VKORC1L1: variants seen among roughly 807,000 people sequenced by gnomAD.
The protein encoded by VKORC1L1 is vitamin K epoxide reductase complex subunit 1L1, also known as vitamin K epoxide reductase complex subunit 1-like protein 1.
Under a neutral mutation model 18.9 loss-of-function variants are expected in VKORC1L1, and 2 were observed. That is an observed-to-expected ratio of 0.11 (90% CI 0.04 to 0.33). The LOEUF (loss-of-function observed/expected upper bound fraction) is 0.33, where lower values mean the gene tolerates loss of function less well. Ranked by LOEUF, VKORC1L1 falls within the 10% of genes least tolerant of loss-of-function variation. The probability of loss-of-function intolerance (pLI) is 1.00; values close to 1 mark genes in which losing one functional copy is unlikely to be tolerated. For missense variants in VKORC1L1, 123 were observed against 224.1 expected, an observed-to-expected ratio of 0.55 and a Z score of 2.88; for synonymous variants, 96 against 100.0, an observed-to-expected ratio of 0.96 and a Z score of 0.24.
At chr7:65,879,309 C>A (rs943792761) in intron 1 of VKORC1L1, among the ~76,000 whole-genome samples, 1 of 151,982 alleles carries the variant, frequency 6.6e-6, no homozygotes, top group Non-Finnish European at 1.5e-5. Flanking sequence ...TTAACATTAT[C>A]ATTGTTTCTT....
chr7:65,935,765 AT>A (rs1270693443), intron 1 of VKORC1L1, among the ~76,000 whole-genome samples: 1 of 152,148 alleles, frequency 6.6e-6, no homozygotes, highest in Non-Finnish European at 1.5e-5. Flanking sequence ...TTCGAGTTTA[AT>A]CAACTCTCAT....
chr7:65,878,308 A>G (rs950741662), intron 1 of VKORC1L1, among the ~76,000 whole-genome samples: 6 of 152,070 alleles, frequency 3.9e-5, no homozygotes, highest in Non-Finnish European at 5.9e-5. Context: ...TTAGCCGGGC[A>G]TGGTGGTGGG....
chr7:65,916,755 T>G (rs1789596091), intron 1 of VKORC1L1, among the ~76,000 whole-genome samples: 1 of 152,074 alleles, frequency 6.6e-6, no homozygotes, highest in Non-Finnish European at 1.5e-5. Context: ...TGCGCCACCA[T>G]GCCTGGCTAA....
intron 1 of VKORC1L1, among the ~76,000 whole-genome samples, chr7:65,943,086 TAC>T (rs1790063222): frequency 6.6e-6 from 1 of 152,132 alleles, no homozygotes; most frequent in Admixed American, 6.5e-5. Flanking sequence ...TAGTTTAGCA[TAC>T]AGTGCTAGAT....
chr7:65,913,363 C>T (rs1486597429), intron 1 of VKORC1L1, among the ~76,000 whole-genome samples: 1 of 151,860 alleles, frequency 6.6e-6, no homozygotes, highest in Non-Finnish European at 1.5e-5. Flanking sequence ...CATTGTACTA[C>T]AGCAGTCAAA....
At position 65,957,080 on chromosome 7, in the gene VKORC1L1, G is replaced by A. The variant is rs1790307330; in HGVS notation, c.*2780G>A. On this transcript the variant is annotated 3_prime_UTR_variant, in exon 3 of 3. Coordinates refer to ENST00000360768, the MANE Select transcript of VKORC1L1 (RefSeq NM_173517.6). ...GTAAATTTCCGGTGAAATAACTCAGGTTTAACTAGCTGTGTGCCCAGAATC... is the reference window on the plus strand; with the variant it reads ...GTAAATTTCCGGTGAAATAACTCAGATTTAACTAGCTGTGTGCCCAGAATC... 1 of 152,208 alleles carries A rather than the reference G, an allele frequency of 6.6e-6. No homozygotes were observed. Among genetic ancestry groups the A allele is most frequent in the Non-Finnish European group, 1.5e-5 (1 of 68,040 alleles). 9.4% of individuals were successfully genotyped at this position (152,208 alleles called of 1,614,324 possible).
intron 1 of VKORC1L1, among the ~76,000 whole-genome samples, chr7:65,887,039 T>G (rs1221141904): frequency 7.1e-6 from 1 of 141,112 alleles, no homozygotes; most frequent in Admixed American, 7.1e-5. Flanking sequence ...TTAGTAGAGA[T>G]GAGGTTTCAC....
intron 1 of VKORC1L1, among the ~76,000 whole-genome samples, chr7:65,931,595 T>G (rs1789858484): frequency 6.6e-6 from 1 of 152,192 alleles, no homozygotes; most frequent in African/African-American, 2.4e-5. Flanking sequence ...GTTTTTTTAT[T>G]CTTTTGTCAG....
chr7:65,879,549 C>T (rs1488122701), intron 1 of VKORC1L1, among the ~76,000 whole-genome samples: 5 of 152,148 alleles, frequency 3.3e-5, no homozygotes, highest in Non-Finnish European at 7.3e-5. Context: ...GAAAACTGAG[C>T]AACGCAGACT....
At chr7:65,916,006 G>T (rs1789582979) in intron 1 of VKORC1L1, among the ~76,000 whole-genome samples, 1 of 151,748 alleles carries the variant, frequency 6.6e-6, no homozygotes, top group Admixed American at 6.6e-5. Flanking sequence ...AGCTACTTGG[G>T]AGGCTGAGGC....
At chr7:65,909,710 G>GTT (rs1789470031) in intron 1 of VKORC1L1, among the ~76,000 whole-genome samples, 1 of 149,460 alleles carries the variant, frequency 6.7e-6, no homozygotes, top group Admixed American at 6.7e-5. Context: ...GTGTGTGTGT[G>GTT]TGTGTGTGTG....
At chr7:65,900,034 TGCAC>T (rs1050745737) in intron 1 of VKORC1L1, among the ~76,000 whole-genome samples, 2 of 145,332 alleles carry the variant, frequency 1.4e-5, no homozygotes, top group Non-Finnish European at 3.0e-5. Flanking sequence ...TGTGTGCATG[TGCAC>T]GCACGTGTGT....
At chr7:65,937,918 A>G (rs949080160) in intron 1 of VKORC1L1, among the ~76,000 whole-genome samples, 1 of 152,134 alleles carries the variant, frequency 6.6e-6, no homozygotes, top group African/African-American at 2.4e-5. Context: ...AGAAAAAGTG[A>G]TATCCTTGGC....
intron 1 of VKORC1L1, among the ~76,000 whole-genome samples, chr7:65,896,045 G>A (rs918991224): frequency 6.6e-6 from 1 of 150,384 alleles, no homozygotes; most frequent in Admixed American, 6.6e-5. Context: ...ACAGGTGCCC[G>A]CTACCACACT....
intron 1 of VKORC1L1, among the ~76,000 whole-genome samples, chr7:65,946,855 G>C (rs753326917): frequency 6.6e-6 from 1 of 152,056 alleles, no homozygotes; most frequent in Non-Finnish European, 1.5e-5. Flanking sequence ...ATAACTGAAG[G>C]CTGGGTGTCA....
chr7:65,865,812 GTTAA>G, the VKORC1L1 span, among the ~76,000 whole-genome samples: 5 of 151,758 alleles, frequency 3.3e-5, no homozygotes, highest in African/African-American at 1.2e-4. Flanking sequence ...AAAGCCTTTT[GTTAA>G]TTATTTTTGA....
chr7:65,887,211 C>T (rs1382361854), intron 1 of VKORC1L1, among the ~76,000 whole-genome samples: 1 of 151,902 alleles, frequency 6.6e-6, no homozygotes, highest in Non-Finnish European at 1.5e-5. Context: ...GTTACTTTTG[C>T]CATATGCTTG....
chr7:65,891,899 T>TA (rs1374471194), intron 1 of VKORC1L1, among the ~76,000 whole-genome samples: 1 of 152,204 alleles, frequency 6.6e-6, no homozygotes, highest in Non-Finnish European at 1.5e-5. Flanking sequence ...ACACTAGACT[T>TA]ACTCATTCTT....
chr7:65,911,741 T>C (rs1402759832), intron 1 of VKORC1L1, among the ~76,000 whole-genome samples: 1 of 152,186 alleles, frequency 6.6e-6, no homozygotes, highest in Non-Finnish European at 1.5e-5. Context: ...CCTATACAAC[T>C]TTCTAAACAC....
Sources: allele counts gnomAD v4.1 joint callset (sites outside exome capture counted in the v4.1 genomes callset), GRCh38; gene constraint gnomAD v4.1.1; transcripts MANE v1.5; gene names NCBI Gene and HGNC (gene_info 2026-07-23, HGNC 2026-07-21).